Variants in INPP4A observed in about 807,000 individuals in gnomAD.
INPP4A encodes the protein inositol polyphosphate-4-phosphatase, type I, 107kD.
Under a neutral mutation model 119.8 loss-of-function variants are expected in INPP4A, and 33 were observed. That is an observed-to-expected ratio of 0.28 (90% CI 0.21 to 0.37). INPP4A has a LOEUF of 0.37. Ranked by LOEUF, INPP4A falls within the 10% of genes least tolerant of loss-of-function variation. The pLI is 1.00. For missense variants in INPP4A, 956 were observed against 1,289.9 expected, an observed-to-expected ratio of 0.74 and a Z score of 3.97; for synonymous variants, 496 against 500.7, an observed-to-expected ratio of 0.99 and a Z score of 0.12.
Position 98,520,044 on chromosome 2 carries a change from A to G in INPP4A, c.-5A>G. On this transcript the variant is annotated 5_prime_UTR_variant, in exon 3 of 25. An upstream open reading frame in the 5' UTR loses its in-frame stop. Transcript: ENST00000409851. The stretch of plus-strand genomic sequence containing the variant: ...ATCAAGAAGCACATCATCACCAATG[A>G]CATCATGACAGCAAGAGAGCACAGC... 1.3e-6 allele frequency: 2 copies of G among 1,574,644 alleles called. No individual in the cohort carries two copies. Among genetic ancestry groups the G allele is most frequent in the Non-Finnish European group, 1.7e-6 (2 of 1,158,002 alleles).
chr2:98,559,043 G>A (rs985588592), intron 16 of INPP4A, among the ~76,000 whole-genome samples: 2 of 152,214 alleles, frequency 1.3e-5, no homozygotes, highest in Non-Finnish European at 2.9e-5. Context: ...CGTGGAACAC[G>A]CCGTGTACTG....
At chr2:98,555,152 C>A (rs545133085) in intron 15 of INPP4A, among the ~76,000 whole-genome samples, 5 of 152,200 alleles carry the variant, frequency 3.3e-5, no homozygotes, top group Non-Finnish European at 5.9e-5. Context: ...TCCTCCTCCC[C>A]ACCTCCCCTA....
chr2:98,516,270 T>C (rs1185125516), intron 1 of INPP4A, among the ~76,000 whole-genome samples: 1 of 152,236 alleles, frequency 6.6e-6, no homozygotes, highest in Admixed American at 6.5e-5. Context: ...TCTAATTAAA[T>C]GTCCCCAAAT....
At chr2:98,541,145 G>A (rs1421392497) in intron 10 of INPP4A, among the ~76,000 whole-genome samples, 3 of 152,136 alleles carry the variant, frequency 2.0e-5, no homozygotes, top group Admixed American at 6.5e-5. Context: ...GACTAACACG[G>A]TGAAACCTCG....
Position 98,445,004 on chromosome 2 carries a change from G to A in INPP4A, c.-247G>A, listed in dbSNP as rs1421546368. On this transcript the variant is annotated 5_prime_UTR_variant, in exon 1 of 25. Coordinates refer to ENST00000409851, the MANE Select transcript of INPP4A (RefSeq NM_001134225.2). ...GCCCGCGACTTCACAGCCAGGCGGCGGCGCTGCTGCTGCTGCGGGGCTCTG... is the reference window on the plus strand; with the variant it reads ...GCCCGCGACTTCACAGCCAGGCGGCAGCGCTGCTGCTGCTGCGGGGCTCTG... 6.7e-6 allele frequency: 1 copy of A among 150,082 alleles called. No homozygotes were observed. The highest frequency in any genetic ancestry group is 1.5e-5 in the Non-Finnish European group (1 of 67,188). The allele number at this position is 150,082 out of a possible 1,614,324, so 9.3% of individuals were successfully genotyped here. A position where few individuals can be genotyped will look rare whatever the true frequency, so the allele number is the denominator to read the frequency against.
chr2:98,563,398 T>A, intron 17 of INPP4A, 67 bp from the exon 18 acceptor site: 1 of 1,465,016 alleles, frequency 6.8e-7, no homozygotes, highest in Non-Finnish European at 9.3e-7. Context: ...GGTGACTTGT[T>A]AAATTGCCAG....
intron 17 of INPP4A, among the ~76,000 whole-genome samples, chr2:98,561,033 C>A (rs1695378608): frequency 6.6e-6 from 1 of 152,154 alleles, no homozygotes; most frequent in Admixed American, 6.5e-5. Context: ...TTGGCTTTTC[C>A]TGGAGAACTG....
chr2:98,555,681 C>T lies in INPP4A; in HGVS notation c.1695C>T (p.Thr565=). ...EDVFPCAGSC[T]SKKGNPDSHA... ...TCTTCCCCTGTGCAGGCAGCTGCACCAGCAAGAAAGGTAACCCGGACAGCC... is the reference window on the plus strand; with the variant it reads ...TCTTCCCCTGTGCAGGCAGCTGCACTAGCAAGAAAGGTAACCCGGACAGCC... Residue 565 remains threonine (T), a synonymous_variant, in exon 16 of 25, where the codon ACC becomes ACT. Transcript: ENST00000409851. The T allele has an allele frequency of 1.2e-6, 2 of 1,613,910 alleles. No homozygotes were observed. Among genetic ancestry groups the T allele is most frequent in the Non-Finnish European group, 1.7e-6 (2 of 1,179,846 alleles).
At chr2:98,478,872 C>A (rs946174322) in intron 1 of INPP4A, among the ~76,000 whole-genome samples, 1 of 152,130 alleles carries the variant, frequency 6.6e-6, no homozygotes, top group Admixed American at 6.6e-5. Flanking sequence ...GAAAGAGGTC[C>A]GGTTTTTTTG....
intron 1 of INPP4A, among the ~76,000 whole-genome samples, chr2:98,513,648 G>T (rs1685555103): frequency 6.6e-6 from 1 of 152,230 alleles, no homozygotes; most frequent in Admixed American, 6.5e-5. Context: ...AGCTGTTGTG[G>T]CAAGCCTGCA....
intron 2 of INPP4A, 193 bp from the exon 3 acceptor site, chr2:98,519,753 C>G (rs2105725334): frequency 2.5e-6 from 1 of 403,834 alleles, no homozygotes; most frequent in South Asian, 2.9e-5. Context: ...CATGGACACC[C>G]TGTGTTGGGG....
chr2:98,539,552 TG>T lies in INPP4A; in HGVS notation c.696del (p.Met232IlefsTer32). 6.2e-7 allele frequency: 1 copy of T among 1,611,628 alleles called. No homozygotes were observed. Among genetic ancestry groups the T allele is most frequent in the Non-Finnish European group, 8.5e-7 (1 of 1,178,578 alleles). ...GTGTTCGGTGGTGCCATCTGCCGCA[TG>T]TACCGGTTTCCAACCACTGATGGTA... ...KSVFGGAICR[M>X]YRFPTTDGNH... On this transcript the variant is annotated frameshift_variant, in exon 10 of 25. Coordinates refer to ENST00000409851, the MANE Select transcript of INPP4A (RefSeq NM_001134225.2). LOFTEE classifies it high-confidence loss of function.
At chr2:98,549,459 C>T (rs1322580270) in intron 13 of INPP4A, among the ~76,000 whole-genome samples, 3 of 152,158 alleles carry the variant, frequency 2.0e-5, no homozygotes, top group Non-Finnish European at 1.5e-5. Context: ...CAGTTTTACC[C>T]CTGGGGGTGG....
chr2:98,466,883 C>A (rs760132676), intron 1 of INPP4A, among the ~76,000 whole-genome samples: 10 of 152,278 alleles, frequency 6.6e-5, no homozygotes, highest in Non-Finnish European at 1.5e-4. Context: ...TTAGAGTAGC[C>A]GGGAAAGGGC....
chr2:98,448,353 C>CAAAAAAAA (rs571844955), intron 1 of INPP4A, among the ~76,000 whole-genome samples: 1 of 99,752 alleles, frequency 1.0e-5, no homozygotes, highest in African/African-American at 3.8e-5. Context: ...GAGACTGTCT[C>CAAAAAAAA]AAAAAAAAAA....
chr2:98,473,326 A>G (rs113859627), intron 1 of INPP4A, among the ~76,000 whole-genome samples: 1 of 125,072 alleles, frequency 8.0e-6, no homozygotes, highest in African/African-American at 3.1e-5. Context: ...GTGGAGAGTG[A>G]GGAGGGCAGT....
At chr2:98,452,342 T>C (rs1695373595) in intron 1 of INPP4A, among the ~76,000 whole-genome samples, 1 of 152,132 alleles carries the variant, frequency 6.6e-6, no homozygotes, top group African/African-American at 2.4e-5. Flanking sequence ...GAACTGGAGA[T>C]TAGTGGATCC....
chr2:98,565,999 A>G (rs756850493), intron 20 of INPP4A, 30 bp from the exon 21 acceptor site: 46 of 1,592,670 alleles, frequency 2.9e-5, no homozygotes, highest in Middle Eastern at 4.0e-4. Context: ...CTGGCCTCAC[A>G]CTGCTCTCCC....
chr2:98,461,380 G>T (rs1040548876), intron 1 of INPP4A, among the ~76,000 whole-genome samples: 6 of 152,246 alleles, frequency 3.9e-5, no homozygotes, highest in Non-Finnish European at 8.8e-5. Context: ...AGCAACAGGT[G>T]TGGGCCTAGC....
Sources: allele counts gnomAD v4.1 joint callset (sites outside exome capture counted in the v4.1 genomes callset), GRCh38; gene constraint gnomAD v4.1.1; transcripts MANE v1.5; gene names NCBI Gene and HGNC (gene_info 2026-07-23, HGNC 2026-07-21).